VSX2: variants seen among roughly 807,000 people sequenced by gnomAD.
VSX2 encodes the protein ceh-10 homeo domain containing homolog.
A neutral mutation model predicts 32.1 loss-of-function variants in VSX2; 28 were observed. The observed-to-expected ratio is 0.87, with a 90% CI of 0.65 to 1.20. VSX2 has a LOEUF of 1.20. VSX2 is among the 50% of genes most tolerant of loss of function. The pLI is 0.00. For synonymous variants in VSX2, 243 were observed against 214.1 expected (o/e 1.14, Z -1.18); for missense variants, 506 against 488.7 (o/e 1.04, Z -0.33).
chr14:74,248,721 G>C (rs1445014947), intron 3 of VSX2, among the ~76,000 whole-genome samples: 2 of 150,648 alleles, frequency 1.3e-5, no homozygotes, highest in African/African-American at 2.4e-5. Context: ...AAAAAACAGA[G>C]AGAAATTATC....
intron 2 of VSX2, among the ~76,000 whole-genome samples, 169 bp from the exon 3 acceptor site, chr14:74,244,996 G>GAGAC (rs2079181833): frequency 7.5e-6 from 1 of 134,008 alleles, no homozygotes; most frequent in Admixed American, 7.5e-5. Context: ...GAGAGAGAGA[G>GAGAC]AGAGAGAGAG....
chr14:74,246,973 C>T (rs1032155714), intron 3 of VSX2, among the ~76,000 whole-genome samples: 4 of 151,906 alleles, frequency 2.6e-5, no homozygotes, highest in Admixed American at 1.3e-4. Context: ...TTGGGGGTTG[C>T]CTATAAGGTG....
intron 3 of VSX2, among the ~76,000 whole-genome samples, chr14:74,252,314 C>T (rs1390698109): frequency 1.3e-5 from 2 of 152,310 alleles, no homozygotes; most frequent in East Asian, 3.9e-4. Flanking sequence ...CAGGCACATT[C>T]TGTGCCTGCT....
chr14:74,244,929 T>TGTGTGA (rs1555387789), intron 2 of VSX2, among the ~76,000 whole-genome samples: 3 of 38,912 alleles, frequency 7.7e-5, no homozygotes, highest in South Asian at 8.6e-4. Context: ...TGTGTGTGTG[T>TGTGTGA]GAAAGAGAGA....
At chr14:74,257,545 A>C (rs1263699349) in intron 3 of VSX2, among the ~76,000 whole-genome samples, 3 of 152,242 alleles carry the variant, frequency 2.0e-5, no homozygotes, top group Non-Finnish European at 4.4e-5. Context: ...GTCAACTTAA[A>C]GGTGCGCGTG....
chr14:74,241,327 C>G, intron 2 of VSX2, 61 bp downstream of exon 2: 1 of 1,560,790 alleles, frequency 6.4e-7, no homozygotes. Context: ...TCCCCCGTTC[C>G]GGGATCGGGT....
At chr14:74,248,361 C>A (rs960198) in intron 3 of VSX2, among the ~76,000 whole-genome samples, 68,665 of 131,750 alleles carry the variant, frequency 0.52, 19,413 homozygotes, top group Admixed American at 0.67. Flanking sequence ...ACAAAAAAAA[C>A]CAAAAACGAG....
intron 1 of VSX2, among the ~76,000 whole-genome samples, 155 bp from the exon 2 acceptor site, chr14:74,241,027 G>A (rs1464499006): frequency 6.6e-6 from 1 of 152,202 alleles, no homozygotes. Context: ...TGAGCTCAGG[G>A]ATGGGACGGC....
At chr14:74,254,197 G>A (rs2079247662) in intron 3 of VSX2, among the ~76,000 whole-genome samples, 1 of 151,880 alleles carries the variant, frequency 6.6e-6, no homozygotes, top group Non-Finnish European at 1.5e-5. Context: ...ATCACCTGAG[G>A]TCAGGAGTTC....
intron 3 of VSX2, among the ~76,000 whole-genome samples, chr14:74,259,191 G>C (rs926084101): frequency 1.1e-4 from 16 of 152,246 alleles, no homozygotes; most frequent in African/African-American, 3.9e-4. Flanking sequence ...GAAGCCCTGA[G>C]CCAGAGACAC....
intron 3 of VSX2, among the ~76,000 whole-genome samples, chr14:74,252,017 G>A (rs991898919): frequency 2.0e-5 from 3 of 152,242 alleles, no homozygotes; most frequent in Non-Finnish European, 4.4e-5. Context: ...TCCTTCAGGA[G>A]GTATTTAGGA....
intron 3 of VSX2, 122 bp from the exon 4 acceptor site, chr14:74,259,480 T>C: frequency 9.1e-7 from 1 of 1,101,528 alleles, no homozygotes; most frequent in South Asian, 1.3e-5. Context: ...CACCATGGAG[T>C]AGGCGAGCTT....
At chr14:74,240,892 C>A (rs2079145548) in intron 1 of VSX2, among the ~76,000 whole-genome samples, 1 of 152,170 alleles carries the variant, frequency 6.6e-6, no homozygotes, top group South Asian at 2.1e-4. Context: ...GGGATCTCTG[C>A]GGCCCCCTAA....
intron 4 of VSX2, among the ~76,000 whole-genome samples, chr14:74,260,289 T>C (rs1323006867): frequency 2.0e-5 from 3 of 152,180 alleles, no homozygotes; most frequent in African/African-American, 7.2e-5. Flanking sequence ...CTCTTGGGGT[T>C]CTAAGATCCG....
chr14:74,244,322 A>T (rs2079169984), intron 2 of VSX2, among the ~76,000 whole-genome samples: 1 of 152,060 alleles, frequency 6.6e-6, no homozygotes, highest in African/African-American at 2.4e-5. Flanking sequence ...CCTGCAGGTG[A>T]GTGGCTGAGC....
chr14:74,253,317 G>A (rs1053583769), intron 3 of VSX2, among the ~76,000 whole-genome samples: 1 of 152,366 alleles, frequency 6.6e-6, no homozygotes, highest in East Asian at 1.9e-4. Flanking sequence ...TCAGGAAAGT[G>A]AGTGAGAGAG....
intron 3 of VSX2, among the ~76,000 whole-genome samples, chr14:74,246,094 G>A (rs1402850843): frequency 6.6e-6 from 1 of 152,252 alleles, no homozygotes; most frequent in Non-Finnish European, 1.5e-5. Flanking sequence ...GTCTGGGCAG[G>A]GCCTCCATGA....
chr14:74,248,881 G>C lies in VSX2; in HGVS notation c.579+3593G>C, dbSNP rs569111209. Among the ~76,000 whole-genome samples the C allele has an allele frequency of 8.0e-4, 122 of 152,304 alleles. 2 individuals carry two copies. Among genetic ancestry groups the C allele is most frequent in the Non-Finnish European group, 1.4e-3 (92 of 68,016 alleles). ...AGAAAGAGGTGAGATCCCTTCCAGG[G>C]AGGTGCCTCCTGAGTATTCCCCCAC... On this transcript the variant is annotated intron_variant, in intron 3 of 4. Transcript: ENST00000261980.
intron 3 of VSX2, among the ~76,000 whole-genome samples, chr14:74,250,247 AAATT>A (rs1347060931): frequency 7.6e-4 from 55 of 72,566 alleles, no homozygotes; most frequent in African/African-American, 2.1e-3. Flanking sequence ...AAAAAAAAAA[AAATT>A]TTTTTTTTTA....
Sources: allele counts gnomAD v4.1 joint callset (sites outside exome capture counted in the v4.1 genomes callset), GRCh38; gene constraint gnomAD v4.1.1; transcripts MANE v1.5; gene names NCBI Gene and HGNC (gene_info 2026-07-23, HGNC 2026-07-21).